Variants in GALNT3 observed in about 807,000 individuals in gnomAD.
GALNT3 encodes GalNAc transferase 3.
In GALNT3, 51 loss-of-function variants were observed where a neutral mutation model predicts 69.8. The observed-to-expected ratio is 0.73, with a 90% CI of 0.58 to 0.92. The LOEUF (loss-of-function observed/expected upper bound fraction) is 0.92, where lower values mean the gene tolerates loss of function less well. GALNT3 is among the 40% of genes least tolerant of loss of function. The pLI is 0.00. For missense variants in GALNT3, 711 were observed against 760.0 expected (o/e 0.94, Z 0.76); for synonymous variants, 265 against 248.5 (o/e 1.07, Z -0.63).
chr2:165,758,778 C>T lies in GALNT3; in HGVS notation c.1160G>A (p.Trp387Ter). 6.2e-7 allele frequency: 1 copy of T among 1,602,016 alleles called. No individual in the cohort carries two copies. ...IGSYDEEMEI[W>*]GGENIEMSFR... ...AGACATTTCTATATTTTCACCTCCC[C>T]AGATTTCCATTTCTTCATCATAGCT... Residue 387 changes from tryptophan (W) to a stop codon, truncating the protein, a stop_gained, in exon 6 of 11, where the codon TGG (tryptophan) becomes TAG (stop). Transcript: ENST00000392701. LOFTEE classifies it high-confidence loss of function.
At position 165,749,904 on chromosome 2, in the gene GALNT3, G is replaced by C. The variant is rs937533631; in HGVS notation, c.1627-10C>G. 3 of 1,612,870 alleles carry C rather than the reference G, an allele frequency of 1.9e-6. No individual in the cohort carries two copies. The highest frequency in any genetic ancestry group is 2.5e-6 in the Non-Finnish European group (3 of 1,179,208). On this transcript the variant is annotated splice_polypyrimidine_tract_variant and intron_variant, in intron 9 of 10. Coordinates refer to ENST00000392701, the MANE Select transcript of GALNT3 (RefSeq NM_004482.4). The stretch of plus-strand genomic sequence containing the variant: ...CAGAGTATTCAAAGTACTATGGAAG[G>C]AATAGCACTGTTACTGACAAAAGCA...
At chr2:165,761,507 C>T (rs1280617895) in intron 4 of GALNT3, among the ~76,000 whole-genome samples, 1 of 151,934 alleles carries the variant, frequency 6.6e-6, no homozygotes, top group African/African-American at 2.4e-5. Flanking sequence ...CCACCACGCC[C>T]GGCTACATTT....
chr2:165,755,455 A>G (rs986842504), intron 7 of GALNT3, among the ~76,000 whole-genome samples: 4 of 152,210 alleles, frequency 2.6e-5, no homozygotes, highest in Admixed American at 6.5e-5. Context: ...GAAATCAGGT[A>G]TAGACAAACA....
intron 5 of GALNT3, among the ~76,000 whole-genome samples, chr2:165,759,082 T>C (rs1688496773): frequency 6.6e-6 from 1 of 152,178 alleles, no homozygotes; most frequent in African/African-American, 2.4e-5. Flanking sequence ...AAATGTCTTC[T>C]CCTAACCATG....
At chr2:165,791,076 G>A (rs1683337348) in intron 1 of GALNT3, among the ~76,000 whole-genome samples, 1 of 151,990 alleles carries the variant, frequency 6.6e-6, no homozygotes. Context: ...AGCATGATGA[G>A]AACCCATTTA....
chr2:165,765,037 T>G lies in GALNT3; in HGVS notation c.535A>C (p.Lys179Gln). The G allele has an allele frequency of 6.2e-7, 1 of 1,614,140 alleles. No homozygotes were observed. Among genetic ancestry groups the G allele is most frequent in the Non-Finnish European group, 8.5e-7 (1 of 1,179,992 alleles). The change falls in exon 3 of 11, where the codon AAG becomes CAG. Residue 179 changes from lysine (K) to glutamine (Q), a missense_variant. Transcript: ENST00000392701. ...GTGGTGGGCAGGGGAGGGCAGCGCTTAAATTTTTGTTCAATACATCTAGAA... is the reference window on the plus strand; with the variant it reads ...GTGGTGGGCAGGGGAGGGCAGCGCTGAAATTTTTGTTCAATACATCTAGAA... ...RPPECIEQKF[K>Q]RCPPLPTTSV...
chr2:165,783,992 A>G (rs1158124356), intron 1 of GALNT3, among the ~76,000 whole-genome samples: 2 of 152,204 alleles, frequency 1.3e-5, no homozygotes, highest in Non-Finnish European at 2.9e-5. Context: ...AAATTCCTGC[A>G]TTATCCACTC....
At chr2:165,789,694 C>A (rs1461815763) in intron 1 of GALNT3, among the ~76,000 whole-genome samples, 2 of 94,838 alleles carry the variant, frequency 2.1e-5, no homozygotes, top group Non-Finnish European at 4.3e-5. Flanking sequence ...CATAGTGAGA[C>A]CTTGTCTCAT....
intron 6 of GALNT3, 190 bp downstream of exon 6, chr2:165,758,557 G>A: frequency 2.1e-6 from 1 of 483,056 alleles, no homozygotes; most frequent in Non-Finnish European, 3.7e-6. Flanking sequence ...TGTTACACTG[G>A]CGACAATGAA....
intron 10 of GALNT3, 73 bp downstream of exon 10, chr2:165,749,669 C>T: frequency 2.4e-6 from 3 of 1,244,266 alleles, no homozygotes; most frequent in East Asian, 2.3e-5. Flanking sequence ...TACCATGTTC[C>T]ACTCATTTTC....
Position 165,770,317 on chromosome 2 carries a change from G to A in GALNT3, c.384C>T (p.Phe128=), listed in dbSNP as rs1270386765. The part of the protein sequence containing the change: ...SNAPGASGKA[F]KTTNLSVEEQ... Reference sequence around the variant, plus strand: ...CTTCAACACTTAAATTGGTTGTCTTGAATGCTTTACCAGAAGCACCAGGTG... The same window carrying A: ...CTTCAACACTTAAATTGGTTGTCTTAAATGCTTTACCAGAAGCACCAGGTG... Residue 128 remains phenylalanine (F), a synonymous_variant, in exon 2 of 11, where the codon TTC becomes TTT. Coordinates refer to ENST00000392701, the MANE Select transcript of GALNT3 (RefSeq NM_004482.4). The A allele has an allele frequency of 6.2e-7, 1 of 1,614,132 alleles. No homozygotes were observed. Among genetic ancestry groups the A allele is most frequent in the Admixed American group, 1.7e-5 (1 of 60,010 alleles).
rs140436451 is a variant in GALNT3 at position 165,792,116 on chromosome 2, A to C, written c.-109+1899T>G. Among the ~76,000 whole-genome samples, 535 of 152,314 alleles carry C rather than the reference A, an allele frequency of 3.5e-3. 2 individuals carry two copies. Among genetic ancestry groups the C allele is most frequent in the Middle Eastern group, 0.02 (6 of 294 alleles). On this transcript the variant is annotated intron_variant, in intron 1 of 10. Transcript: ENST00000392701. Reference sequence around the variant, plus strand: ...CTCTCTTGGCTTCAATTTTTCATAAATGGATGGTTTGAGTATTGAATCTCC... The same window carrying C: ...CTCTCTTGGCTTCAATTTTTCATAACTGGATGGTTTGAGTATTGAATCTCC...
chr2:165,762,215 A>C (rs1453262438), intron 3 of GALNT3, among the ~76,000 whole-genome samples, 161 bp from the exon 4 acceptor site: 1 of 152,106 alleles, frequency 6.6e-6, no homozygotes, highest in Non-Finnish European at 1.5e-5. Context: ...TTAACTCCTT[A>C]CTGGGGAAAA....
At chr2:165,773,841 C>T (rs572769534) in intron 1 of GALNT3, among the ~76,000 whole-genome samples, 56 of 151,556 alleles carry the variant, frequency 3.7e-4, no homozygotes, top group Non-Finnish European at 6.5e-4. Context: ...AAATTATCCA[C>T]GTCAAGTGGA....
chr2:165,761,098 C>T (rs1183216212), intron 4 of GALNT3, among the ~76,000 whole-genome samples: 1 of 126,950 alleles, frequency 7.9e-6, no homozygotes, highest in African/African-American at 3.3e-5. Flanking sequence ...CCTTTTTATG[C>T]CAAGGAGTCT....
chr2:165,749,452 T>C (rs1445929099), intron 10 of GALNT3, among the ~76,000 whole-genome samples: 2 of 152,100 alleles, frequency 1.3e-5, no homozygotes, highest in Non-Finnish European at 2.9e-5. Context: ...AAAAGCATTA[T>C]AAGAAACCCT....
rs1014664640 is a variant in GALNT3 at position 165,754,939 on chromosome 2, G to A, written c.1517C>T (p.Ser506Phe). 1.9e-6 allele frequency: 3 copies of A among 1,613,496 alleles called. No individual in the cohort carries two copies. In the African/African-American group the frequency reaches 4.0e-5, roughly 22 times the overall value. ...VYVPDLNPVI[S>F]GYIKSVGQPL... ...GAACAGGAAAATACTCACGTATCCA[G>A]ATATAACAGGATTAAGGTCTGGCAC... The change falls in exon 8 of 11, where the codon TCT becomes TTT. Residue 506 changes from serine to phenylalanine, a missense_variant. Coordinates refer to ENST00000392701, the MANE Select transcript of GALNT3 (RefSeq NM_004482.4).
intron 1 of GALNT3, among the ~76,000 whole-genome samples, chr2:165,780,327 G>T (rs1309679802): frequency 6.6e-6 from 1 of 152,164 alleles, no homozygotes; most frequent in Admixed American, 6.5e-5. Context: ...ATTTTGAAAG[G>T]TTCATTCACA....
rs189290881 is a variant in GALNT3, at chr2:165,747,911, T to A, written c.*870A>T. On this transcript the variant is annotated 3_prime_UTR_variant, in exon 11 of 11. Coordinates refer to ENST00000392701, the MANE Select transcript of GALNT3 (RefSeq NM_004482.4). ...AGTCAAAAATCCATTACAATTATAA[T>A]TGAATCAGTAACAAAATTTAGCTTT... The A allele has an allele frequency of 1.8e-3, 307 of 174,412 alleles. No individual in the cohort carries two copies. The highest frequency in any genetic ancestry group is 3.3e-3 in the Non-Finnish European group (265 of 80,406). 10.8% of individuals were successfully genotyped at this position (174,412 alleles called of 1,614,324 possible).
Sources: gnomAD v4.1 joint callset for allele counts (sites outside exome capture counted in the v4.1 genomes callset) on GRCh38, gnomAD v4.1.1 for gene constraint, MANE v1.5 for transcripts, NCBI Gene and HGNC (gene_info 2026-07-23, HGNC 2026-07-21) for gene names.